The following SCAPER variants were observed in gnomAD, a reference collection of about 807,000 sequenced individuals.
SCAPER encodes S phase cyclin A-associated protein in the endoplasmic reticulum.
SCAPER carries 98 observed loss-of-function variants against 182.2 expected under a neutral mutation model. That is an observed-to-expected ratio of 0.54 (90% CI 0.46 to 0.64). SCAPER has a LOEUF of 0.64. Among genes scored for constraint, SCAPER ranks in the 30% least tolerant of loss-of-function variants. SCAPER has a pLI of 0.00. For synonymous variants in SCAPER, 605 were observed against 564.6 expected, an observed-to-expected ratio of 1.07 and a Z score of -1.01; for missense variants, 1,432 against 1,690.0, an observed-to-expected ratio of 0.85 and a Z score of 2.68.
rs151081744 is a variant in SCAPER, at chr15:76,657,098, A to G, written c.2645+8555T>C. Among the ~76,000 whole-genome samples, 25 of 152,264 alleles carry G rather than the reference A, an allele frequency of 1.6e-4. No homozygotes were observed. In the East Asian group the frequency reaches 3.7e-3, roughly 22 times the overall value. On this transcript the variant is annotated intron_variant, in intron 21 of 31. Transcript: ENST00000563290. ...AGAAAAAATCATGCAAATGACCAAC[A>G]AATCCAAGAGTTGATTTTTTTGACA...
In SCAPER at chr15:76,769,633, T is replaced by A. The variant is rs192131524; in HGVS notation, c.1248+2109A>T. 1.0e-3 allele frequency among the ~76,000 whole-genome samples: 153 copies of A among 151,356 alleles called. 2 individuals carry two copies. The highest frequency in any genetic ancestry group is 3.6e-3 in the African/African-American group (150 of 41,120). On this transcript the variant is annotated intron_variant, in intron 10 of 31. Coordinates refer to ENST00000563290, the MANE Select transcript of SCAPER (RefSeq NM_020843.4). ...ACATAAGATACCATCTCACACCAGT[T>A]AGAACGGCGATCATTAAAAAGTCAG...
At chr15:76,793,901 A>G (rs944010193) in intron 8 of SCAPER, among the ~76,000 whole-genome samples, 4 of 152,166 alleles carry the variant, frequency 2.6e-5, no homozygotes, top group African/African-American at 7.2e-5. Context: ...GACACTATCT[A>G]CAGCTCCACA....
At position 76,434,147 on chromosome 15, in the gene SCAPER, G is replaced by A. The variant is rs1196298740; in HGVS notation, c.3242C>T (p.Pro1081Leu). Residue 1081 changes from proline (P) to leucine (L), a missense_variant, in exon 26 of 32, where the codon CCA becomes CTA. Pro to Leu is a moderately conservative substitution (Grantham distance 98). This residue lies in a region of SCAPER where 718 missense variants were observed against 799.7 expected (regional missense o/e 0.90). Coordinates refer to ENST00000563290, the MANE Select transcript of SCAPER (RefSeq NM_020843.4). The stretch of plus-strand genomic sequence containing the variant: ...GGGTTTGTTTTTCATTTCCTGTGTT[G>A]GTATTTTTGGGGTAGCTGGCTGGCA... ...GNCQPATPKI[P>L]TQEMKNKPSQ... 31 of 1,613,820 alleles carry A rather than the reference G, an allele frequency of 1.9e-5. No homozygotes were observed. Among genetic ancestry groups the A allele is most frequent in the Non-Finnish European group, 2.5e-5 (29 of 1,179,880 alleles).
chr15:76,792,393 T>C (rs2065057660), intron 8 of SCAPER, among the ~76,000 whole-genome samples: 1 of 152,164 alleles, frequency 6.6e-6, no homozygotes, highest in Middle Eastern at 3.2e-3. Context: ...AGTTAGATTG[T>C]GGGCTCTGGT....
intron 21 of SCAPER, among the ~76,000 whole-genome samples, chr15:76,664,624 T>C (rs914202832): frequency 5.9e-5 from 9 of 151,988 alleles, no homozygotes; most frequent in African/African-American, 1.9e-4. Context: ...AATGTGAACA[T>C]TAAAAATAGA....
At chr15:76,880,351 T>G (rs1229059648) in intron 2 of SCAPER, among the ~76,000 whole-genome samples, 1 of 152,226 alleles carries the variant, frequency 6.6e-6, no homozygotes, top group African/African-American at 2.4e-5. Context: ...TCCTGATGAT[T>G]AAGAAGAACA....
At chr15:76,640,118 G>A (rs1415971204) in intron 21 of SCAPER, among the ~76,000 whole-genome samples, 1 of 152,146 alleles carries the variant, frequency 6.6e-6, no homozygotes. Flanking sequence ...TGTGACCGCT[G>A]CTACTGCTGG....
chr15:76,821,530 G>T (rs551969384), intron 5 of SCAPER, among the ~76,000 whole-genome samples: 1 of 152,208 alleles, frequency 6.6e-6, no homozygotes, highest in East Asian at 1.9e-4. Context: ...GCTGAGGTTG[G>T]GGGGGATCAC....
intron 20 of SCAPER, among the ~76,000 whole-genome samples, chr15:76,689,734 G>A (rs1380823325): frequency 6.6e-6 from 1 of 151,192 alleles, no homozygotes; most frequent in Non-Finnish European, 1.5e-5. Flanking sequence ...CTGATTCTAG[G>A]GCTAGAAAAG....
chr15:76,653,870 A>C (rs2055383065), intron 21 of SCAPER, among the ~76,000 whole-genome samples: 1 of 152,212 alleles, frequency 6.6e-6, no homozygotes, highest in Non-Finnish European at 1.5e-5. Flanking sequence ...GACATAATTA[A>C]ACTAAAGAGA....
chr15:76,864,173 A>T (rs2072092999), intron 2 of SCAPER, among the ~76,000 whole-genome samples: 1 of 152,230 alleles, frequency 6.6e-6, no homozygotes. Context: ...TACAGATATT[A>T]AAAACCGTGA....
chr15:76,662,313 C>T (rs2056252540), intron 21 of SCAPER, among the ~76,000 whole-genome samples: 1 of 152,066 alleles, frequency 6.6e-6, no homozygotes, highest in Non-Finnish European at 1.5e-5. Context: ...GCACATTCTG[C>T]ACGTGTATCC....
intron 29 of SCAPER, among the ~76,000 whole-genome samples, chr15:76,365,450 AAC>A (rs2041743990): frequency 6.6e-6 from 1 of 152,350 alleles, no homozygotes; most frequent in East Asian, 1.9e-4. Context: ...ATTCTGTTCA[AAC>A]ACAGCACAAG....
chr15:76,626,179 G>A (rs534411390), intron 21 of SCAPER, among the ~76,000 whole-genome samples: 38 of 152,140 alleles, frequency 2.5e-4, no homozygotes, highest in Admixed American at 1.8e-3. Flanking sequence ...TGTTCAAAGC[G>A]TGATTATCTA....
At chr15:76,392,879 G>C (rs1334296930) in intron 27 of SCAPER, among the ~76,000 whole-genome samples, 1 of 152,124 alleles carries the variant, frequency 6.6e-6, no homozygotes, top group Non-Finnish European at 1.5e-5. Context: ...AATGTATCCT[G>C]GACACATTCT....
At chr15:76,458,600 T>C (rs1218604802) in intron 25 of SCAPER, among the ~76,000 whole-genome samples, 1 of 152,226 alleles carries the variant, frequency 6.6e-6, no homozygotes, top group Non-Finnish European at 1.5e-5. Flanking sequence ...ATTTTGGTCA[T>C]GTGTAATGAT....
intron 5 of SCAPER, among the ~76,000 whole-genome samples, chr15:76,805,317 C>T (rs1008612069): frequency 6.6e-6 from 1 of 152,126 alleles, no homozygotes; most frequent in Non-Finnish European, 1.5e-5. Context: ...TATGATAACT[C>T]TAAGTTTAAA....
intron 20 of SCAPER, among the ~76,000 whole-genome samples, chr15:76,679,757 T>C (rs563701605): frequency 6.6e-6 from 1 of 152,310 alleles, no homozygotes; most frequent in Non-Finnish European, 1.5e-5. Context: ...CCATCAGTTT[T>C]CTGGTAGGTG....
intron 10 of SCAPER, among the ~76,000 whole-genome samples, chr15:76,771,003 A>G (rs1449764063): frequency 6.6e-6 from 1 of 152,114 alleles, no homozygotes; most frequent in Non-Finnish European, 1.5e-5. Context: ...ACCTAATACC[A>G]TGTGTTGTTA....
Sources: allele counts gnomAD v4.1 joint callset (sites outside exome capture counted in the v4.1 genomes callset), GRCh38; gene constraint gnomAD v4.1.1; regional missense constraint gnomAD v4.1.1; transcripts MANE v1.5; gene names NCBI Gene and HGNC (gene_info 2026-07-23, HGNC 2026-07-21).